SEMA5B: variants seen among roughly 807,000 people sequenced by gnomAD.
SEMA5B encodes the protein semaphorin-5B.
In SEMA5B, 66 loss-of-function variants were observed where a neutral mutation model predicts 135.0. That is an observed-to-expected ratio of 0.49 (90% CI 0.40 to 0.60). SEMA5B has a LOEUF of 0.60. Ranked by LOEUF, SEMA5B falls within the 20% of genes least tolerant of loss-of-function variation. The pLI is 0.00. For synonymous variants in SEMA5B, 690 were observed against 639.5 expected (o/e 1.08, Z -1.19); for missense variants, 1,501 against 1,566.3 (o/e 0.96, Z 0.70).
At chr3:122,925,137 T>A (rs1938558886) in intron 9 of SEMA5B, among the ~76,000 whole-genome samples, 2 of 152,114 alleles carry the variant, frequency 1.3e-5, no homozygotes, top group African/African-American at 4.8e-5. Context: ...CTGGCCCTCA[T>A]CCAGTGCCTG....
chr3:122,915,357 C>A, intron 14 of SEMA5B, 83 bp downstream of exon 14: 3 of 1,383,956 alleles, frequency 2.2e-6, no homozygotes, highest in Non-Finnish European at 3.0e-6. Context: ...TTAGTGCAAA[C>A]ACCCAAGTGA....
At chr3:123,019,949 C>T (rs372148880) in intron 1 of SEMA5B, among the ~76,000 whole-genome samples, 12 of 152,188 alleles carry the variant, frequency 7.9e-5, no homozygotes, top group South Asian at 4.1e-4. Flanking sequence ...AAGCAGTCAG[C>T]GCGAAGCCTC....
intron 7 of SEMA5B, 88 bp downstream of exon 7, chr3:122,928,429 T>C (rs1461311913): frequency 9.9e-7 from 1 of 1,011,238 alleles, no homozygotes; most frequent in African/African-American, 1.6e-5. Context: ...TTGCAAAATT[T>C]GGTAACCCCC....
chr3:122,912,967 C>T lies in SEMA5B; in HGVS notation c.2601G>A (p.Arg867=). ...GGACGCGGAAGCCCAGCTCGCAGTC[C>T]CGGGAGCAGGACGACCACGGGCCCC... ...AAWGPWSSCS[R]DCELGFRVRK... Residue 867 remains arginine (R), a synonymous_variant, in exon 18 of 23, where the codon CGG becomes CGA. Transcript: ENST00000357599. 1.9e-6 allele frequency: 3 copies of T among 1,611,908 alleles called. No homozygotes were observed. Among genetic ancestry groups the T allele is most frequent in the Non-Finnish European group, 2.5e-6 (3 of 1,179,182 alleles).
chr3:122,931,585 G>A (rs1938974870), intron 5 of SEMA5B, among the ~76,000 whole-genome samples: 1 of 152,064 alleles, frequency 6.6e-6, no homozygotes, highest in South Asian at 2.1e-4. Context: ...AAAAAAATAC[G>A]CAAAATTGAG....
At chr3:122,939,302 G>A (rs960597458) in intron 5 of SEMA5B, 123 bp downstream of exon 5, 6 of 770,962 alleles carry the variant, frequency 7.8e-6, no homozygotes, top group Non-Finnish European at 1.1e-5. Context: ...CCAGTGAAAA[G>A]AACAAGTGGC....
At chr3:122,911,658 G>A in intron 20 of SEMA5B, 123 bp from the exon 21 acceptor site, 1 of 1,066,414 alleles carries the variant, frequency 9.4e-7, no homozygotes, top group Non-Finnish European at 1.3e-6. Flanking sequence ...AGGTAGGCGT[G>A]GGGGCCTTCA....
At chr3:123,018,836 CT>C (rs1942616614) in intron 1 of SEMA5B, among the ~76,000 whole-genome samples, 1 of 152,222 alleles carries the variant, frequency 6.6e-6, no homozygotes, top group Non-Finnish European at 1.5e-5. Flanking sequence ...CACCCAAATT[CT>C]TCCAACTGGC....
At chr3:122,951,619 C>T (rs767976532) in intron 2 of SEMA5B, among the ~76,000 whole-genome samples, 1 of 152,202 alleles carries the variant, frequency 6.6e-6, no homozygotes, top group African/African-American at 2.4e-5. Flanking sequence ...GAGTGACCTC[C>T]TTGGTGTCAT....
rs528618947 is a variant in SEMA5B, at chr3:122,926,213, C to T, written c.1136+179G>A. Among the ~76,000 whole-genome samples the T allele has an allele frequency of 5.9e-5, 9 of 152,338 alleles. No individual in the cohort carries two copies. In the South Asian group the frequency reaches 8.3e-4, roughly 14 times the overall value. The stretch of plus-strand genomic sequence containing the variant: ...TTATTCATCTCTGGCCTAGGCTTGC[C>T]CTTCCCAGCAACCCAGAACACGAGC... On this transcript the variant is annotated intron_variant, in intron 9 of 22. Coordinates refer to ENST00000357599, the MANE Select transcript of SEMA5B (RefSeq NM_001031702.4).
rs745842901 is a variant in SEMA5B at position 122,961,244 on chromosome 3, G to T, written c.20C>A (p.Pro7Gln). ...GACGAGGTGGTGGGCAACAGGAGAC[G>T]GACTGAAGCCACAGGGCATCCAAGA... Reference protein sequence around the residue: MPCGFSPSPVAHHLVPG... With the variant: MPCGFSQSPVAHHLVPG... The change falls in exon 2 of 23, where the codon CCG (proline) becomes CAG (glutamine). Residue 7 changes from proline to glutamine, a missense_variant. Physicochemically the swap from Pro to Gln is moderately conservative, Grantham distance 76. This residue lies in a region of SEMA5B where 574 missense variants were observed against 684.7 expected (regional missense o/e 0.84). Transcript: ENST00000357599. 3.1e-6 allele frequency: 5 copies of T among 1,613,934 alleles called. No individual in the cohort carries two copies. Among genetic ancestry groups the T allele is most frequent in the Non-Finnish European group, 4.2e-6 (5 of 1,179,980 alleles).
chr3:122,984,728 A>G (rs1941642247), intron 1 of SEMA5B, among the ~76,000 whole-genome samples: 1 of 152,194 alleles, frequency 6.6e-6, no homozygotes, highest in Admixed American at 6.5e-5. Flanking sequence ...ATCTGAAGGA[A>G]AATTTAAATT....
chr3:123,010,255 G>C (rs972217050), intron 1 of SEMA5B, among the ~76,000 whole-genome samples: 2 of 152,158 alleles, frequency 1.3e-5, no homozygotes, highest in African/African-American at 4.8e-5. Flanking sequence ...CATGGAATTT[G>C]GAATTGGAAG....
intron 14 of SEMA5B, among the ~76,000 whole-genome samples, chr3:122,915,079 C>G (rs950770317): frequency 2.0e-5 from 3 of 152,228 alleles, no homozygotes; most frequent in Admixed American, 2.0e-4. Context: ...CACCTCCAGA[C>G]AGTGGCAATC....
Position 122,913,843 on chromosome 3 carries a change from C to G in SEMA5B, c.2132+15G>C, listed in dbSNP as rs747711347. On this transcript the variant is annotated intron_variant, in intron 15 of 22. Coordinates refer to ENST00000357599, the MANE Select transcript of SEMA5B (RefSeq NM_001031702.4). ...GGTTAGTCTGGGACCTCAGAGCAAG[C>G]CTGTTCTCCCTCACCGTTCCTCCCG... 7 of 1,591,876 alleles carry G rather than the reference C, an allele frequency of 4.4e-6. No individual in the cohort carries two copies. Among genetic ancestry groups the G allele is most frequent in the Non-Finnish European group, 5.1e-6 (6 of 1,168,086 alleles).
At chr3:123,002,856 G>A (rs1474247538) in intron 1 of SEMA5B, among the ~76,000 whole-genome samples, 1 of 152,154 alleles carries the variant, frequency 6.6e-6, no homozygotes, top group Non-Finnish European at 1.5e-5. Context: ...TAAACACACA[G>A]TCCTTTGGTT....
chr3:122,984,755 T>G (rs1941643116), intron 1 of SEMA5B, among the ~76,000 whole-genome samples: 1 of 151,808 alleles, frequency 6.6e-6, no homozygotes, highest in Non-Finnish European at 1.5e-5. Context: ...AAGTTCTACT[T>G]AAAAAAAAGT....
chr3:122,956,200 G>A (rs1394182299), intron 2 of SEMA5B, among the ~76,000 whole-genome samples: 1 of 152,248 alleles, frequency 6.6e-6, no homozygotes, highest in African/African-American at 2.4e-5. Flanking sequence ...AGTGAAGAAA[G>A]CATTTTCCCA....
intron 9 of SEMA5B, among the ~76,000 whole-genome samples, chr3:122,923,980 G>GCCTC (rs374004858): frequency 3.2e-4 from 49 of 152,096 alleles, no homozygotes; most frequent in East Asian, 9.7e-4. Flanking sequence ...CTGTGCTACT[G>GCCTC]CCTCCCTCCC....
Sources: allele counts gnomAD v4.1 joint callset (sites outside exome capture counted in the v4.1 genomes callset), GRCh38; gene constraint gnomAD v4.1.1; regional missense constraint gnomAD v4.1.1; transcripts MANE v1.5; gene names NCBI Gene and HGNC (gene_info 2026-07-23, HGNC 2026-07-21).